The following TEX10 variants were observed in gnomAD, a reference collection of about 807,000 sequenced individuals.
TEX10 encodes testis-expressed protein 10.
TEX10 carries 24 observed loss-of-function variants against 104.4 expected under a neutral mutation model. That is an observed-to-expected ratio of 0.23 (90% CI 0.17 to 0.32). The LOEUF (loss-of-function observed/expected upper bound fraction) is 0.32. Among genes scored for constraint, TEX10 ranks in the 10% least tolerant of loss-of-function variants. The probability of loss-of-function intolerance (pLI) is 1.00; values close to 1 mark genes in which losing one functional copy is unlikely to be tolerated. For synonymous variants in TEX10, 396 were observed against 393.4 expected, an observed-to-expected ratio of 1.01 and a Z score of -0.08; for missense variants, 921 against 1,083.9, an observed-to-expected ratio of 0.85 and a Z score of 2.11.
At chr9:100,352,530 C>G in intron 1 of TEX10, 2 of 1,549,026 alleles carry the variant, frequency 1.3e-6, no homozygotes, top group Non-Finnish European at 1.7e-6. Flanking sequence ...CTCTCGGACC[C>G]GAAACCAGGC....
chr9:100,351,502 C>T (rs961749972), intron 1 of TEX10, among the ~76,000 whole-genome samples: 2 of 152,054 alleles, frequency 1.3e-5, no homozygotes, highest in Admixed American at 6.6e-5. Flanking sequence ...TAAGCAAGCA[C>T]ACTTTGTGAG....
Position 100,322,804 on chromosome 9 carries a change from T to C in TEX10, c.1980-1033A>G, listed in dbSNP as rs539988520. On this transcript the variant is annotated intron_variant, in intron 9 of 14. Transcript: ENST00000374902. ...CTAATTTTTGTATTTTTAGTAGAGA[T>C]GGGGTTTCACCATGTTGACCAGGCT... is the stretch of plus-strand genomic sequence containing the variant. Among the ~76,000 whole-genome samples the C allele has an allele frequency of 9.2e-5, 14 of 152,152 alleles. No individual in the cohort carries two copies. In the Middle Eastern group the frequency reaches 0.01, roughly 111 times the overall value.
At position 100,320,403 on chromosome 9, in the gene TEX10, T is replaced by C. The variant is rs765562413; in HGVS notation, c.2069-5A>G. ...TCAACTCCTCTTTCGAAAACCCTAATTCAGGTAACAAAGAAAGCCAATTTA... is the reference window on the plus strand; with the variant it reads ...TCAACTCCTCTTTCGAAAACCCTAACTCAGGTAACAAAGAAAGCCAATTTA... On this transcript the variant is annotated splice_polypyrimidine_tract_variant and splice_region_variant and intron_variant, in intron 10 of 14. Transcript: ENST00000374902. The C allele has an allele frequency of 4.4e-6, 7 of 1,585,736 alleles. No homozygotes were observed. In the South Asian group the frequency reaches 4.7e-5, roughly 11 times the overall value.
At chr9:100,346,627 CATCAATGG>C in intron 3 of TEX10, 59 bp downstream of exon 3, 1 of 1,470,848 alleles carries the variant, frequency 6.8e-7, no homozygotes, top group South Asian at 1.3e-5. Flanking sequence ...CACCAACAGT[CATCAATGG>C]TTAGCAGTTA....
chr9:100,339,303 A>G (rs1310945387), intron 5 of TEX10, among the ~76,000 whole-genome samples: 2 of 139,942 alleles, frequency 1.4e-5, no homozygotes, highest in Non-Finnish European at 3.0e-5. Flanking sequence ...ATATATATAT[A>G]CACATATTTG....
intron 5 of TEX10, among the ~76,000 whole-genome samples, chr9:100,335,416 T>C (rs1834982042): frequency 6.6e-6 from 1 of 152,120 alleles, no homozygotes. Context: ...TTAGCCAGGA[T>C]GGTCTAGGTC....
chr9:100,304,046 G>C, intron 13 of TEX10: 1 of 582,812 alleles, frequency 1.7e-6, no homozygotes, highest in Non-Finnish European at 3.1e-6. Context: ...AACCAAGGAG[G>C]TGAAAGATCT....
At chr9:100,312,633 T>A (rs1225238069) in intron 11 of TEX10, among the ~76,000 whole-genome samples, 1 of 152,186 alleles carries the variant, frequency 6.6e-6, no homozygotes, top group Non-Finnish European at 1.5e-5. Flanking sequence ...TGGTCTGCCA[T>A]AACTACTCTA....
chr9:100,303,688 T>C lies in TEX10; in HGVS notation c.2620A>G (p.Arg874Gly). ...LRLLLQHAPL[R>G]THMLTNAILV... Reference sequence around the variant, plus strand: ...ATCGCATTGGTCAACATATGAGTCCTGAGGGGTGCATGCTGAAGCAGCAGT... The same window carrying C: ...ATCGCATTGGTCAACATATGAGTCCCGAGGGGTGCATGCTGAAGCAGCAGT... Residue 874 changes from arginine (R) to glycine (G), a missense_variant, in exon 14 of 15, where the codon AGG becomes GGG. By Grantham distance (125) the Arg-to-Gly change is moderately radical. Transcript: ENST00000374902. The C allele has an allele frequency of 1.9e-6, 3 of 1,614,170 alleles. No individual in the cohort carries two copies. Among genetic ancestry groups the C allele is most frequent in the Non-Finnish European group, 2.5e-6 (3 of 1,180,038 alleles).
intron 1 of TEX10, among the ~76,000 whole-genome samples, chr9:100,350,294 T>C (rs1835408683): frequency 6.6e-6 from 1 of 152,206 alleles, no homozygotes; most frequent in Admixed American, 6.5e-5. Flanking sequence ...GCCTACTATC[T>C]AGTGTCTCCT....
rs1019940303 is a variant in TEX10 at position 100,307,865 on chromosome 9, C to T, written c.2465+635G>A. 1.3e-5 allele frequency: 2 copies of T among 152,042 alleles called. 1 individual carries two copies. Among genetic ancestry groups the T allele is most frequent in the East Asian group, 3.9e-4 (2 of 5,194 alleles). 9.4% of individuals were successfully genotyped at this position (152,042 alleles called of 1,614,324 possible). Reference sequence around the variant, plus strand: ...AAAAGTTCAAAAAAGACCAAAAAGGCACATATCAAAACATTAACAGCAGGT... The same window carrying T: ...AAAAGTTCAAAAAAGACCAAAAAGGTACATATCAAAACATTAACAGCAGGT... On this transcript the variant is annotated intron_variant, in intron 13 of 14. Transcript: ENST00000374902.
At position 100,352,814 on chromosome 9, in the gene TEX10, A is replaced by C; in HGVS notation, c.-52T>G. On this transcript the variant is annotated 5_prime_UTR_variant, in exon 1 of 15. Transcript: ENST00000374902. ...GCCGGGGCGAGAAGCCCGAGAAGAC[A>C]AGCGAGGGAGCAGAAGCCCACGGGG... 9.6e-7 allele frequency: 1 copy of C among 1,046,150 alleles called. No individual in the cohort carries two copies. The allele number at this position is 1,046,150 out of a possible 1,614,324, so 64.8% of individuals were successfully genotyped here. A position where few individuals can be genotyped will look rare whatever the true frequency, so the allele number is the denominator to read the frequency against.
At chr9:100,350,745 A>G (rs902960013) in intron 1 of TEX10, among the ~76,000 whole-genome samples, 1 of 152,256 alleles carries the variant, frequency 6.6e-6, no homozygotes, top group African/African-American at 2.4e-5. Context: ...TGGCCAGTGC[A>G]ATACTGAACA....
chr9:100,316,268 A>G (rs1834416223), intron 11 of TEX10, among the ~76,000 whole-genome samples: 1 of 152,250 alleles, frequency 6.6e-6, no homozygotes, highest in South Asian at 2.1e-4. Context: ...AATTAAGGAC[A>G]AAAACCATAT....
chr9:100,337,619 A>C (rs1382194701), intron 5 of TEX10, among the ~76,000 whole-genome samples: 3 of 152,310 alleles, frequency 2.0e-5, no homozygotes, highest in African/African-American at 7.2e-5. Flanking sequence ...GACTGAACCA[A>C]AAGTCTTCAA....
chr9:100,320,466 A>T (rs915422259), intron 10 of TEX10, 68 bp from the exon 11 acceptor site: 31 of 1,495,766 alleles, frequency 2.1e-5, no homozygotes, highest in Non-Finnish European at 2.8e-5. Context: ...TTTCTTAAAA[A>T]ACAGAGATGA....
intron 14 of TEX10, 75 bp downstream of exon 14, chr9:100,303,557 C>G: frequency 6.6e-7 from 1 of 1,513,664 alleles, no homozygotes; most frequent in Non-Finnish European, 9.1e-7. Flanking sequence ...CCTCAAAACA[C>G]ACTTTCCCCC....
chr9:100,310,860 T>C (rs148591268), intron 11 of TEX10, among the ~76,000 whole-genome samples: 1 of 152,300 alleles, frequency 6.6e-6, no homozygotes, highest in Non-Finnish European at 1.5e-5. Flanking sequence ...ATTTTCCAAA[T>C]AATTCATCTA....
intron 9 of TEX10, among the ~76,000 whole-genome samples, chr9:100,322,687 C>T (rs1834599501): frequency 6.6e-6 from 1 of 152,084 alleles, no homozygotes; most frequent in Non-Finnish European, 1.5e-5. Flanking sequence ...ATGATCTCAG[C>T]TCACTGCAAC....
Sources: gnomAD v4.1 joint callset for allele counts (sites outside exome capture counted in the v4.1 genomes callset) on GRCh38, gnomAD v4.1.1 for gene constraint, MANE v1.5 for transcripts, NCBI Gene and HGNC (gene_info 2026-07-23, HGNC 2026-07-21) for gene names.